Variants in PHACTR4 observed in about 807,000 individuals in gnomAD.
The protein encoded by PHACTR4 is protein phosphatase 1, regulatory subunit 124.
PHACTR4 carries 51 observed loss-of-function variants against 72.7 expected under a neutral mutation model. The observed-to-expected ratio is 0.70, with a 90% CI of 0.56 to 0.89. The LOEUF (loss-of-function observed/expected upper bound fraction) is 0.89, where lower values mean the gene tolerates loss of function less well. Ranked by LOEUF, PHACTR4 falls within the 40% of genes least tolerant of loss-of-function variation. The probability of loss-of-function intolerance (pLI) is 0.00; values close to 1 mark genes in which losing one functional copy is unlikely to be tolerated. For synonymous variants in PHACTR4, 255 were observed against 302.5 expected, an observed-to-expected ratio of 0.84 and a Z score of 1.63; for missense variants, 731 against 861.8, an observed-to-expected ratio of 0.85 and a Z score of 1.90.
chr1:28,473,544 T>C lies in PHACTR4; in HGVS notation c.824-10T>C. The C allele has an allele frequency of 6.3e-7, 1 of 1,576,178 alleles. No individual in the cohort carries two copies. Among genetic ancestry groups the C allele is most frequent in the Non-Finnish European group, 8.7e-7 (1 of 1,150,954 alleles). On this transcript the variant is annotated splice_polypyrimidine_tract_variant and intron_variant, in intron 6 of 13. Coordinates refer to ENST00000373839, the MANE Select transcript of PHACTR4 (RefSeq NM_001048183.3). Reference sequence around the variant, plus strand: ...GTCGTGAAATTGATGTGTTGCTCTCTCTTTTCCAGCTGAACTGTCCCAAGC... The same window carrying C: ...GTCGTGAAATTGATGTGTTGCTCTCCCTTTTCCAGCTGAACTGTCCCAAGC...
intron 1 of PHACTR4, among the ~76,000 whole-genome samples, chr1:28,375,416 C>T (rs1315732970): frequency 6.6e-6 from 1 of 151,654 alleles, no homozygotes; most frequent in Non-Finnish European, 1.5e-5. Context: ...GTGGCTCATG[C>T]CTGTAATCCC....
chr1:28,408,558 T>A (rs1553187214), intron 2 of PHACTR4, among the ~76,000 whole-genome samples: 4 of 151,842 alleles, frequency 2.6e-5, no homozygotes. Flanking sequence ...GACTCTGTCT[T>A]AAAAGAAAAG....
chr1:28,423,082 C>A (rs1394040773), intron 2 of PHACTR4, among the ~76,000 whole-genome samples: 1 of 152,224 alleles, frequency 6.6e-6, no homozygotes, highest in Non-Finnish European at 1.5e-5. Context: ...AGCCACCACA[C>A]CCGGCCTAAA....
intron 2 of PHACTR4, among the ~76,000 whole-genome samples, chr1:28,425,188 A>T (rs1018453896): frequency 6.6e-6 from 1 of 152,024 alleles, no homozygotes; most frequent in Non-Finnish European, 1.5e-5. Flanking sequence ...CACGATCTTC[A>T]GCTAACTGCA....
intron 8 of PHACTR4, among the ~76,000 whole-genome samples, chr1:28,479,754 G>A (rs983132597): frequency 4.7e-5 from 7 of 149,880 alleles, no homozygotes; most frequent in African/African-American, 1.7e-4. Flanking sequence ...TTAGCTGGGC[G>A]TGGTGACCCA....
chr1:28,400,807 T>TG (rs960188023), intron 1 of PHACTR4, among the ~76,000 whole-genome samples: 6 of 152,182 alleles, frequency 3.9e-5, no homozygotes, highest in African/African-American at 1.4e-4. Context: ...CTCGAACTCC[T>TG]GACCTCAGGT....
intron 8 of PHACTR4, among the ~76,000 whole-genome samples, chr1:28,479,798 C>T (rs1401993533): frequency 2.0e-5 from 3 of 152,036 alleles, no homozygotes; most frequent in African/African-American, 7.2e-5. Flanking sequence ...GAGGCTAAGG[C>T]AGGAGAATCA....
intron 4 of PHACTR4, among the ~76,000 whole-genome samples, chr1:28,464,587 A>G (rs888982929): frequency 3.3e-5 from 5 of 152,320 alleles, no homozygotes; most frequent in East Asian, 1.9e-4. Context: ...TCCTAACTCT[A>G]TTCTCACTCC....
At chr1:28,414,040 C>T (rs1654944081) in intron 2 of PHACTR4, among the ~76,000 whole-genome samples, 1 of 152,074 alleles carries the variant, frequency 6.6e-6, no homozygotes, top group South Asian at 2.1e-4. Context: ...TAATTCTCTT[C>T]CATTTTTAAT....
chr1:28,419,048 T>TTTTTTTTTTTTTTTTTTGAGA (rs1278920262), intron 2 of PHACTR4, among the ~76,000 whole-genome samples: 3 of 149,486 alleles, frequency 2.0e-5, no homozygotes, highest in African/African-American at 7.6e-5. Flanking sequence ...ATGATTTTTT[T>TTTTTTTTTTTTTTTTTTGAGA]CTAGGGAAGT....
At chr1:28,459,423 A>G (rs1658645193) in intron 3 of PHACTR4, among the ~76,000 whole-genome samples, 165 bp downstream of exon 3, 1 of 128,292 alleles carries the variant, frequency 7.8e-6, no homozygotes, top group African/African-American at 3.0e-5. Context: ...TTTTGGTGAG[A>G]CAGGATCTCC....
intron 8 of PHACTR4, among the ~76,000 whole-genome samples, 167 bp downstream of exon 8, chr1:28,476,458 C>T (rs1390454223): frequency 1.3e-5 from 2 of 151,910 alleles, no homozygotes; most frequent in East Asian, 3.9e-4. Flanking sequence ...TCCCTATTAT[C>T]ACCCCTCTGT....
At chr1:28,394,312 A>C (rs906033813) in intron 1 of PHACTR4, among the ~76,000 whole-genome samples, 1 of 151,074 alleles carries the variant, frequency 6.6e-6, no homozygotes, top group Non-Finnish European at 1.5e-5. Context: ...AGGAAGGAAG[A>C]GGGAGGAGAG....
At chr1:28,459,044 A>G (rs765261379) in intron 2 of PHACTR4, 41 bp from the exon 3 acceptor site, 1 of 1,535,642 alleles carries the variant, frequency 6.5e-7, no homozygotes, top group Non-Finnish European at 8.9e-7. Flanking sequence ...ATGCTGAAAT[A>G]ATACATTTGC....
intron 1 of PHACTR4, among the ~76,000 whole-genome samples, chr1:28,376,924 AG>A (rs1230014109): frequency 1.3e-5 from 2 of 150,146 alleles, no homozygotes; most frequent in African/African-American, 2.4e-5. Flanking sequence ...GGCGTGAGCC[AG>A]CGCGCCCGGC....
chr1:28,428,736 G>GTGGGGTTC (rs1489752543), intron 2 of PHACTR4, among the ~76,000 whole-genome samples: 1 of 152,168 alleles, frequency 6.6e-6, no homozygotes, highest in African/African-American at 2.4e-5. Context: ...TATTGGGGAG[G>GTGGGGTTC]TGGGGTTCAT....
chr1:28,444,779 C>G (rs1657321134), intron 2 of PHACTR4, among the ~76,000 whole-genome samples: 1 of 126,754 alleles, frequency 7.9e-6, no homozygotes, highest in African/African-American at 3.6e-5. Flanking sequence ...CCGCACCCAG[C>G]TAATTTTTTT....
At chr1:28,480,407 T>C (rs1469688777) in intron 8 of PHACTR4, 44 bp from the exon 9 acceptor site, 2 of 1,608,664 alleles carry the variant, frequency 1.2e-6, no homozygotes, top group Admixed American at 1.7e-5. Context: ...AACCTTTGGC[T>C]TTAAGCCTCA....
chr1:28,395,157 C>T (rs888673896), intron 1 of PHACTR4, among the ~76,000 whole-genome samples: 1 of 152,142 alleles, frequency 6.6e-6, no homozygotes, highest in Admixed American at 6.6e-5. Context: ...AGGTGATCTG[C>T]CTGCCTTGGC....
Sources: gnomAD v4.1 joint callset for allele counts (sites outside exome capture counted in the v4.1 genomes callset) on GRCh38, gnomAD v4.1.1 for gene constraint, MANE v1.5 for transcripts, NCBI Gene and HGNC (gene_info 2026-07-23, HGNC 2026-07-21) for gene names.